The following SCHIP1 variants were observed in gnomAD, a reference collection of about 807,000 sequenced individuals.
The protein encoded by SCHIP1 is schwannomin-interacting protein 1.
SCHIP1 carries 8 observed loss-of-function variants against 29.7 expected under a neutral mutation model. The ratio of observed to expected loss-of-function variants is 0.27; its 90% CI spans 0.16 to 0.49. SCHIP1 has a LOEUF of 0.49. SCHIP1 is among the 20% of genes least tolerant of loss of function. The pLI is 0.99. For missense variants in SCHIP1, 193 were observed against 294.6 expected (o/e 0.66, Z 2.52); for synonymous variants, 76 against 94.9 (o/e 0.80, Z 1.16).
At chr3:159,364,317 T>C in the SCHIP1 span, among the ~76,000 whole-genome samples, 4 of 152,208 alleles carry the variant, frequency 2.6e-5, no homozygotes, top group African/African-American at 4.8e-5. Context: ...AAATACTTCT[T>C]GATTTATTAG....
At chr3:159,544,241 C>A in the SCHIP1 span, among the ~76,000 whole-genome samples, 2 of 151,994 alleles carry the variant, frequency 1.3e-5, no homozygotes, top group South Asian at 2.1e-4. Context: ...AATGAGATTA[C>A]TCCATGTAAT....
chr3:159,504,313 T>A, the SCHIP1 span, among the ~76,000 whole-genome samples: 5 of 152,198 alleles, frequency 3.3e-5, no homozygotes, highest in Non-Finnish European at 7.3e-5. Flanking sequence ...AAAATTCTTC[T>A]CCCAGAATAT....
the SCHIP1 span, among the ~76,000 whole-genome samples, chr3:159,407,251 C>A: frequency 6.6e-6 from 1 of 152,024 alleles, no homozygotes; most frequent in African/African-American, 2.4e-5. Context: ...TTATATCAGA[C>A]AAAATGGATT....
chr3:159,462,851 A>G, the SCHIP1 span, among the ~76,000 whole-genome samples: 102,755 of 152,022 alleles, frequency 0.68, 35,844 homozygotes, highest in African/African-American at 0.86. Context: ...ACATTTGCAC[A>G]AGAATGAAAT....
the SCHIP1 span, among the ~76,000 whole-genome samples, chr3:159,335,219 A>C: frequency 3.1e-3 from 470 of 152,196 alleles, 2 homozygotes; most frequent in Non-Finnish European, 4.7e-3. Context: ...GAAAACTGCC[A>C]AACCATTTTC....
the SCHIP1 span, among the ~76,000 whole-genome samples, chr3:159,683,012 C>A: frequency 6.6e-6 from 1 of 152,104 alleles, no homozygotes; most frequent in Non-Finnish European, 1.5e-5. Flanking sequence ...ATTCCTAAGC[C>A]CCATCTCAAA....
the SCHIP1 span, among the ~76,000 whole-genome samples, chr3:159,520,491 G>A: frequency 4.3e-4 from 66 of 152,160 alleles, no homozygotes; most frequent in Non-Finnish European, 8.2e-4. Flanking sequence ...AGCATTACAC[G>A]CGCAGATATG....
the SCHIP1 span, among the ~76,000 whole-genome samples, chr3:159,453,462 C>G: frequency 2.0e-3 from 300 of 152,280 alleles, no homozygotes; most frequent in Non-Finnish European, 3.2e-3. Flanking sequence ...CTTACTGAGG[C>G]AAAGTGCTTT....
chr3:159,824,710 A>G, the SCHIP1 span, among the ~76,000 whole-genome samples: 2 of 152,232 alleles, frequency 1.3e-5, no homozygotes, highest in Non-Finnish European at 2.9e-5. Context: ...TAAAACAGCA[A>G]ATATTTCCTA....
chr3:159,469,735 T>G, the SCHIP1 span, among the ~76,000 whole-genome samples: 3 of 152,180 alleles, frequency 2.0e-5, no homozygotes, highest in Non-Finnish European at 4.4e-5. Context: ...GATGAGTTAT[T>G]TCATTTATTC....
At chr3:159,366,793 T>G in the SCHIP1 span, among the ~76,000 whole-genome samples, 1 of 152,188 alleles carries the variant, frequency 6.6e-6, no homozygotes, top group African/African-American at 2.4e-5. Flanking sequence ...GTAGATTGCA[T>G]GGGACAGCAA....
the SCHIP1 span, among the ~76,000 whole-genome samples, chr3:159,364,231 G>C: frequency 6.6e-6 from 1 of 152,274 alleles, no homozygotes; most frequent in Admixed American, 6.5e-5. Context: ...GTTTGATGCA[G>C]TCTTCTAAAT....
chr3:159,876,530 T>C lies in SCHIP1; in HGVS notation c.150-9677T>C, dbSNP rs140354092. ...GAGTCAGTGCTGCATTAGTAGGTGC[T>C]GCTACAGTATTTCGTTATCCTTTTT... is the stretch of plus-strand genomic sequence containing the variant. On this transcript the variant is annotated intron_variant, in intron 2 of 6. Transcript: ENST00000445224. 5.7e-3 allele frequency among the ~76,000 whole-genome samples: 864 copies of C among 152,322 alleles called. 12 individuals carry two copies. Among genetic ancestry groups the C allele is most frequent in the African/African-American group, 0.02 (826 of 41,566 alleles).
chr3:159,671,973 A>C, the SCHIP1 span, among the ~76,000 whole-genome samples: 1 of 152,228 alleles, frequency 6.6e-6, no homozygotes, highest in Non-Finnish European at 1.5e-5. Context: ...AGAATGTGTG[A>C]TCATATTAAC....
chr3:159,751,000 CT>C, the SCHIP1 span, among the ~76,000 whole-genome samples: 3 of 152,214 alleles, frequency 2.0e-5, no homozygotes, highest in South Asian at 2.1e-4. Context: ...AACACATAAA[CT>C]TTTTTTAAAG....
At chr3:159,327,989 G>A in the SCHIP1 span, among the ~76,000 whole-genome samples, 2 of 152,188 alleles carry the variant, frequency 1.3e-5, no homozygotes, top group Non-Finnish European at 2.9e-5. Flanking sequence ...GAAACCCTGA[G>A]CGACCTGAAC....
chr3:159,558,363 A>T, the SCHIP1 span, among the ~76,000 whole-genome samples: 1 of 152,106 alleles, frequency 6.6e-6, no homozygotes, highest in Non-Finnish European at 1.5e-5. Context: ...TCTCTTGCTT[A>T]TTGTCCTGGA....
At chr3:159,761,017 C>T in the SCHIP1 span, among the ~76,000 whole-genome samples, 24 of 152,264 alleles carry the variant, frequency 1.6e-4, no homozygotes, top group East Asian at 4.6e-3. Flanking sequence ...GCAAGCCTTC[C>T]CTGAGGAAGT....
the SCHIP1 span, among the ~76,000 whole-genome samples, chr3:159,374,916 T>A: frequency 7.9e-3 from 1,201 of 152,330 alleles, 17 homozygotes; most frequent in African/African-American, 0.028. Flanking sequence ...AAATGTACAC[T>A]GAATTTCAAA....
Sources: allele counts gnomAD v4.1 joint callset (sites outside exome capture counted in the v4.1 genomes callset), GRCh38; gene constraint gnomAD v4.1.1; transcripts MANE v1.5; gene names NCBI Gene and HGNC (gene_info 2026-07-23, HGNC 2026-07-21).